ADGRG6: variants seen among roughly 807,000 people sequenced by gnomAD.
ADGRG6 encodes adhesion G protein-coupled receptor G6.
Under a neutral mutation model 142.4 loss-of-function variants are expected in ADGRG6, and 84 were observed. The observed-to-expected ratio is 0.59, with a 90% CI of 0.49 to 0.71. ADGRG6 has a LOEUF of 0.71. Among genes scored for constraint, ADGRG6 ranks in the 30% least tolerant of loss-of-function variants. The probability of loss-of-function intolerance (pLI) is 0.00; values close to 1 mark genes in which losing one functional copy is unlikely to be tolerated. For synonymous variants in ADGRG6, 521 were observed against 520.5 expected (o/e 1.00, Z -0.01); for missense variants, 1,367 against 1,466.6 (o/e 0.93, Z 1.11).
At chr6:142,367,475 A>G in intron 2 of ADGRG6, 94 bp from the exon 3 acceptor site, 1 of 732,640 alleles carries the variant, frequency 1.4e-6, no homozygotes, top group Non-Finnish European at 2.2e-6. Context: ...TTAAATATTT[A>G]CTGCTTGATT....
intron 6 of ADGRG6, among the ~76,000 whole-genome samples, chr6:142,389,490 A>G (rs1312435255): frequency 3.3e-5 from 5 of 151,982 alleles, no homozygotes; most frequent in African/African-American, 4.8e-5. Flanking sequence ...ACAGCTATTT[A>G]GCAAACCCTT....
chr6:142,415,933 T>G lies in ADGRG6; in HGVS notation c.2807T>G (p.Leu936Arg), dbSNP rs1414208701. 1 of 1,613,728 alleles carries G rather than the reference T, an allele frequency of 6.2e-7. No homozygotes were observed. Residue 936 changes from leucine to arginine, a missense_variant, in exon 20 of 25, where the codon CTG becomes CGG. Physicochemically the swap from Leu to Arg is moderately radical, Grantham distance 102 (BLOSUM62 -2). Transcript: ENST00000367609. ...VDGLCIAVAV[L>R]LHFFLLATFT... ...GGACTTTGCATTGCTGTTGCAGTCC[T>G]GTTGCATTTCTTCCTTCTGGCAACC...
chr6:142,391,397 G>A (rs1237019910), intron 7 of ADGRG6, among the ~76,000 whole-genome samples: 1 of 147,498 alleles, frequency 6.8e-6, no homozygotes, highest in African/African-American at 2.5e-5. Context: ...GTCTTTGGTA[G>A]CAAAAGAAAG....
chr6:142,376,603 G>A (rs971017200), intron 4 of ADGRG6, among the ~76,000 whole-genome samples: 1 of 151,862 alleles, frequency 6.6e-6, no homozygotes, highest in African/African-American at 2.4e-5. Flanking sequence ...TTCATTATTG[G>A]CTCCTCCCTT....
intron 4 of ADGRG6, among the ~76,000 whole-genome samples, chr6:142,375,896 T>C (rs1208531359): frequency 6.6e-6 from 1 of 152,144 alleles, no homozygotes; most frequent in Non-Finnish European, 1.5e-5. Context: ...TTAATAAAAT[T>C]GATATATTAT....
chr6:142,426,603 G>A (rs1776959389), intron 22 of ADGRG6, among the ~76,000 whole-genome samples: 1 of 152,142 alleles, frequency 6.6e-6, no homozygotes, highest in South Asian at 2.1e-4. Context: ...GGAAGATGGT[G>A]GCCCTCTTCT....
rs1776131135 is a variant in ADGRG6 at position 142,412,364 on chromosome 6, A to G, written c.2541+953A>G. 1.3e-5 allele frequency among the ~76,000 whole-genome samples: 2 copies of G among 152,148 alleles called. 1 individual carries two copies. Among genetic ancestry groups the G allele is most frequent in the South Asian group, 4.1e-4 (2 of 4,824 alleles). ...AAAGCTTTTCAAATTAGAATCACAG[A>G]CGTCAGGTTTTGTTTATTCCCGCCT... On this transcript the variant is annotated intron_variant, in intron 18 of 24. Coordinates refer to ENST00000367609, the MANE Select transcript of ADGRG6 (RefSeq NM_198569.3).
intron 3 of ADGRG6, among the ~76,000 whole-genome samples, chr6:142,369,440 A>G (rs1489550842): frequency 1.3e-5 from 2 of 152,166 alleles, no homozygotes; most frequent in Non-Finnish European, 2.9e-5. Flanking sequence ...TACAGATAAG[A>G]CAAAGGTAGA....
intron 2 of ADGRG6, among the ~76,000 whole-genome samples, chr6:142,352,535 A>G (rs1780236949): frequency 6.6e-6 from 1 of 152,090 alleles, no homozygotes; most frequent in Admixed American, 6.5e-5. Context: ...TATTTTGGTG[A>G]CGATTTGTAC....
chr6:142,420,085 C>T lies in ADGRG6; in HGVS notation c.3300C>T (p.Ser1100=), dbSNP rs1776587913. The T allele has an allele frequency of 6.2e-7, 1 of 1,611,762 alleles. No individual in the cohort carries two copies. The highest frequency in any genetic ancestry group is 1.7e-5 in the Admixed American group (1 of 59,858). The change falls in exon 22 of 25, where the codon TCC becomes TCT. Residue 1100 remains serine (S), a synonymous_variant. Coordinates refer to ENST00000367609, the MANE Select transcript of ADGRG6 (RefSeq NM_198569.3). ...ATATCCCCTTCATGTACCTCTTCTC[C>T]ATCTTCAATTCATTACAAGGTAAGA... ...PLNIPFMYLF[S]IFNSLQGLFI... is the part of the protein sequence containing the mutation.
intron 2 of ADGRG6, among the ~76,000 whole-genome samples, chr6:142,331,028 A>G (rs1039440787): frequency 6.6e-6 from 1 of 151,996 alleles, no homozygotes; most frequent in Admixed American, 6.6e-5. Flanking sequence ...CTTTGCCTGA[A>G]GTCACCGACT....
At chr6:142,346,723 C>T (rs1241121658) in intron 2 of ADGRG6, among the ~76,000 whole-genome samples, 1 of 152,052 alleles carries the variant, frequency 6.6e-6, no homozygotes, top group African/African-American at 2.4e-5. Context: ...ATGTCCTTTG[C>T]AGGGACATGA....
chr6:142,370,286 G>C lies in ADGRG6; in HGVS notation c.562G>C (p.Glu188Gln). ...GCTCAGTGCTTTCACACTCTGCTTT[G>C]AAGCAACCAAAGTTGGCCATGAAGA... Reference protein sequence around the residue: ...PELSAFTLCFEATKVGHEDSD... With the variant: ...PELSAFTLCFQATKVGHEDSD... The change falls in exon 4 of 25, where the codon GAA (glutamate) becomes CAA (glutamine). Residue 188 changes from glutamate to glutamine, a missense_variant. By Grantham distance (29) the Glu-to-Gln change is conservative. This residue lies in a region of ADGRG6 where 737 missense variants were observed against 746.5 expected (regional missense o/e 0.99). Coordinates refer to ENST00000367609, the MANE Select transcript of ADGRG6 (RefSeq NM_198569.3). 6.2e-7 allele frequency: 1 copy of C among 1,613,816 alleles called. No individual in the cohort carries two copies. The highest frequency in any genetic ancestry group is 8.5e-7 in the Non-Finnish European group (1 of 1,179,832).
chr6:142,393,828 C>T, intron 8 of ADGRG6, 68 bp from the exon 9 acceptor site: 1 of 960,416 alleles, frequency 1.0e-6, no homozygotes, highest in Non-Finnish European at 1.6e-6. Flanking sequence ...ATTTCAGGTC[C>T]CCAAATTTTA....
intron 2 of ADGRG6, among the ~76,000 whole-genome samples, chr6:142,337,934 C>A (rs566605233): frequency 6.0e-5 from 9 of 150,112 alleles, no homozygotes; most frequent in Admixed American, 5.3e-4. Flanking sequence ...CATTTATATA[C>A]ATCTGACACT....
chr6:142,330,749 A>C (rs1779017162), intron 2 of ADGRG6, among the ~76,000 whole-genome samples: 1 of 152,076 alleles, frequency 6.6e-6, no homozygotes, highest in South Asian at 2.1e-4. Flanking sequence ...GATTGTCATT[A>C]ATTTGGGGTT....
chr6:142,410,432 G>C lies in ADGRG6; in HGVS notation c.2434+513G>C, dbSNP rs1165433800. On this transcript the variant is annotated intron_variant, in intron 17 of 24. Coordinates refer to ENST00000367609, the MANE Select transcript of ADGRG6 (RefSeq NM_198569.3). ...ATGAAGAGCCTGCAGAATTAGATTTGACAATCAAGAAAGGAAGGCAAAATT... is the reference window on the plus strand; with the variant it reads ...ATGAAGAGCCTGCAGAATTAGATTTCACAATCAAGAAAGGAAGGCAAAATT... Among the ~76,000 whole-genome samples, 3 of 152,034 alleles carry C rather than the reference G, an allele frequency of 2.0e-5. No individual in the cohort carries two copies. In the East Asian group the frequency reaches 5.8e-4, roughly 29 times the overall value.
At chr6:142,409,946 A>C (rs1418850699) in intron 17 of ADGRG6, 27 bp downstream of exon 17, 6 of 1,112,604 alleles carry the variant, frequency 5.4e-6, no homozygotes, top group South Asian at 3.0e-5. Flanking sequence ...TGGTTGTCTT[A>C]ATATAGATAA....
At position 142,397,706 on chromosome 6, in the gene ADGRG6, G is replaced by T. The variant is rs372053605; in HGVS notation, c.1518G>T (p.Glu506Asp). ...IIQQKLLKNN[E>D]SLDEGLRLHT... ...AGCAGAAGCTCCTAAAAAATAATGA[G>T]TCCTTGGATGAAGGCTTGAGGCTAC... Residue 506 changes from glutamate to aspartate, a missense_variant, in exon 10 of 25, where the codon GAG (glutamate) becomes GAT (aspartate). By Grantham distance (45) the Glu-to-Asp change is conservative (BLOSUM62 2). This residue lies in a region of ADGRG6 where 737 missense variants were observed against 746.5 expected (regional missense o/e 0.99). Coordinates refer to ENST00000367609, the MANE Select transcript of ADGRG6 (RefSeq NM_198569.3). 2.8e-5 allele frequency: 45 copies of T among 1,608,082 alleles called. No homozygotes were observed. Among genetic ancestry groups the T allele is most frequent in the Non-Finnish European group, 3.7e-5 (44 of 1,177,000 alleles).
Sources: allele counts gnomAD v4.1 joint callset (sites outside exome capture counted in the v4.1 genomes callset), GRCh38; gene constraint gnomAD v4.1.1; regional missense constraint gnomAD v4.1.1; transcripts MANE v1.5; gene names NCBI Gene and HGNC (gene_info 2026-07-23, HGNC 2026-07-21).